SLC7A5: variants seen among roughly 807,000 people sequenced by gnomAD.
SLC7A5 encodes large neutral amino acids transporter small subunit 1.
Under a neutral mutation model 50.2 loss-of-function variants are expected in SLC7A5, and 23 were observed. The observed-to-expected ratio is 0.46, with a 90% CI of 0.33 to 0.65. SLC7A5 has a LOEUF of 0.65. Among genes scored for constraint, SLC7A5 ranks in the 30% least tolerant of loss-of-function variants. The probability of loss-of-function intolerance (pLI) is 0.02; values close to 1 mark genes in which losing one functional copy is unlikely to be tolerated. For missense variants in SLC7A5, 578 were observed against 684.4 expected, an observed-to-expected ratio of 0.84 and a Z score of 1.73; for synonymous variants, 393 against 330.6, an observed-to-expected ratio of 1.19 and a Z score of -2.05.
intron 8 of SLC7A5, 172 bp from the exon 9 acceptor site, chr16:87,834,763 G>A (rs969255681): frequency 4.3e-6 from 3 of 699,770 alleles, no homozygotes; most frequent in Non-Finnish European, 7.6e-6. Flanking sequence ...TCCCGCCCTC[G>A]ACTCTGCATA....
Position 87,860,755 on chromosome 16 carries a change from G to C in SLC7A5, c.538+8130C>G, listed in dbSNP as rs548927276. 6.6e-6 allele frequency among the ~76,000 whole-genome samples: 1 copy of C among 152,226 alleles called. No individual in the cohort carries two copies. The highest frequency in any genetic ancestry group is 6.5e-5 in the Admixed American group (1 of 15,284). On this transcript the variant is annotated intron_variant, in intron 1 of 9. Transcript: ENST00000261622. The surrounding 1 kb of genome is among the most constrained non-coding windows in gnomAD (Gnocchi z 4.8). ...AGGTCAGGATGACTCAGCAGGGATCGAGTTTGCGGGCGTCACGCTCCAAGG... is the reference window on the plus strand; with the variant it reads ...AGGTCAGGATGACTCAGCAGGGATCCAGTTTGCGGGCGTCACGCTCCAAGG...
chr16:87,846,992 C>T (rs967468002), intron 2 of SLC7A5, among the ~76,000 whole-genome samples: 1 of 152,180 alleles, frequency 6.6e-6, no homozygotes, highest in Non-Finnish European at 1.5e-5. Flanking sequence ...AAGGCAGCTG[C>T]ACATCTAGCA....
At position 87,840,493 on chromosome 16, in the gene SLC7A5, G is replaced by A. The variant is rs746267256; in HGVS notation, c.771-20C>T. On this transcript the variant is annotated intron_variant, in intron 3 of 9. Coordinates refer to ENST00000261622, the MANE Select transcript of SLC7A5 (RefSeq NM_003486.7). ...TAATTCCTAAAATTTAGAGAACAGC[G>A]TTCAAATTATATGATCCTCATCAGG... The A allele has an allele frequency of 1.5e-5, 23 of 1,579,664 alleles. No individual in the cohort carries two copies. The highest frequency in any genetic ancestry group is 1.7e-5 in the Non-Finnish European group (20 of 1,153,936).
At chr16:87,855,211 C>T (rs1186111537) in intron 1 of SLC7A5, among the ~76,000 whole-genome samples, 1 of 152,204 alleles carries the variant, frequency 6.6e-6, no homozygotes, top group African/African-American at 2.4e-5. Context: ...TGCCCTGCTG[C>T]TCAGAGCTGG....
intron 7 of SLC7A5, chr16:87,837,617 T>C: frequency 1.9e-6 from 1 of 535,670 alleles, no homozygotes; most frequent in African/African-American, 1.9e-5. Context: ...GCCTCCCGCA[T>C]TTCCGATGGT....
At chr16:87,849,812 G>C (rs574326419) in intron 2 of SLC7A5, among the ~76,000 whole-genome samples, 1 of 152,088 alleles carries the variant, frequency 6.6e-6, no homozygotes, top group African/African-American at 2.4e-5. Context: ...CTGGTACCCC[G>C]GGCGACTCTG....
At chr16:87,855,518 T>C (rs1316434355) in intron 1 of SLC7A5, among the ~76,000 whole-genome samples, 1 of 152,016 alleles carries the variant, frequency 6.6e-6, no homozygotes, top group Admixed American at 6.6e-5. Context: ...TCCTGGCCCC[T>C]GGCCTTACCC....
intron 7 of SLC7A5, 179 bp from the exon 8 acceptor site, chr16:87,836,826 A>T: frequency 4.6e-6 from 2 of 431,430 alleles, no homozygotes; most frequent in Non-Finnish European, 9.2e-6. Context: ...AAAGGAGGGA[A>T]GGAGGGAGGA....
intron 2 of SLC7A5, among the ~76,000 whole-genome samples, chr16:87,848,543 T>C (rs577593310): frequency 6.6e-6 from 1 of 152,170 alleles, no homozygotes; most frequent in Non-Finnish European, 1.5e-5. Flanking sequence ...CACCTAAGCC[T>C]GCGTGTCCCC....
rs1184904140 is a variant in SLC7A5 at position 87,838,714 on chromosome 16, C to T, written c.1043G>A (p.Arg348Lys). 2 of 1,612,182 alleles carry T rather than the reference C, an allele frequency of 1.2e-6. No individual in the cohort carries two copies. The highest frequency in any genetic ancestry group is 1.7e-6 in the Non-Finnish European group (2 of 1,178,518). The change falls in exon 6 of 10, where the codon AGG becomes AAG. Residue 348 changes from arginine to lysine, a missense_variant and splice_region_variant. Coordinates refer to ENST00000261622, the MANE Select transcript of SLC7A5 (RefSeq NM_003486.7). Reference sequence around the variant, plus strand: ...CTGTGGTGGGTCGGGCTGTGCTCACCTGGAGGATGTGAACAGGGACCCATT... The same window carrying T: ...CTGTGGTGGGTCGGGCTGTGCTCACTTGGAGGATGTGAACAGGGACCCATT... ...SVNGSLFTSS[R>K]LFFVGSREGH...
At chr16:87,850,682 C>G (rs2055210956) in intron 2 of SLC7A5, among the ~76,000 whole-genome samples, 1 of 152,210 alleles carries the variant, frequency 6.6e-6, no homozygotes, top group African/African-American at 2.4e-5. Context: ...AGAGGCATCC[C>G]TGCTGGACTC....
chr16:87,837,260 T>C (rs4265809), intron 7 of SLC7A5, among the ~76,000 whole-genome samples: 103,446 of 152,174 alleles, frequency 0.68, 36,145 homozygotes, highest in East Asian at 0.85. Context: ...TGCTCAGGGG[T>C]GGGGCCTGCA....
chr16:87,863,671 ATT>A (rs1260998808), intron 1 of SLC7A5: 1 of 151,904 alleles, frequency 6.6e-6, no homozygotes, highest in Admixed American at 6.6e-5. Flanking sequence ...CAAGCAAGGG[ATT>A]TTTTTCACTC....
chr16:87,859,348 G>C (rs2055359307), intron 1 of SLC7A5, among the ~76,000 whole-genome samples: 1 of 152,216 alleles, frequency 6.6e-6, no homozygotes, highest in African/African-American at 2.4e-5. Context: ...CCACACATGA[G>C]AGCCGTGGAC....
rs1243899364 is a variant in SLC7A5, at chr16:87,852,027, G to A, written c.539-178C>T. ...GGCACGTTCTGACTTTCTGAGACCT[G>A]TTTTGATAAACTTCGCAGTCCTTTC... On this transcript the variant is annotated intron_variant, in intron 1 of 9. Transcript: ENST00000261622. This position sits in a 1 kb window ranked among gnomAD's most constrained non-coding sequence, Gnocchi z 4.5. Among the ~76,000 whole-genome samples, 1 of 152,026 alleles carries A rather than the reference G, an allele frequency of 6.6e-6. No homozygotes were observed. The highest frequency in any genetic ancestry group is 1.5e-5 in the Non-Finnish European group (1 of 68,008).
At chr16:87,847,619 G>A (rs140874863) in intron 2 of SLC7A5, among the ~76,000 whole-genome samples, 1 of 152,168 alleles carries the variant, frequency 6.6e-6, no homozygotes, top group East Asian at 1.9e-4. Flanking sequence ...AACCTCCCAA[G>A]AGCAGATGGG....
At chr16:87,845,233 C>G (rs1226516017) in intron 2 of SLC7A5, among the ~76,000 whole-genome samples, 1 of 152,248 alleles carries the variant, frequency 6.6e-6, no homozygotes, top group Non-Finnish European at 1.5e-5. Flanking sequence ...GGCAGGACAG[C>G]TGCAGCTCAC....
At chr16:87,837,325 C>A (rs373590795) in intron 7 of SLC7A5, 8 of 191,094 alleles carry the variant, frequency 4.2e-5, no homozygotes, top group African/African-American at 1.9e-4. Context: ...CCTGGTCACA[C>A]CCTACGATGA....
At chr16:87,868,300 C>A (rs371005741) in intron 1 of SLC7A5, among the ~76,000 whole-genome samples, 54 of 152,246 alleles carry the variant, frequency 3.5e-4, no homozygotes, top group Admixed American at 1.1e-3. Context: ...TGCAGCCAAG[C>A]TCCGCTCTCT....
Sources: gnomAD v4.1 joint callset for allele counts (sites outside exome capture counted in the v4.1 genomes callset) on GRCh38, gnomAD v4.1.1 for gene constraint, Gnocchi (gnomAD v3.1) non-coding constraint, MANE v1.5 for transcripts, NCBI Gene and HGNC (gene_info 2026-07-23, HGNC 2026-07-21) for gene names.